Variants in TBC1D1 observed in about 807,000 individuals in gnomAD.
TBC1D1 encodes TBC1 domain family member 1, also known as TBC1 (tre-2/USP6, BUB2, cdc16) domain family, member 1.
Under a neutral mutation model 125.6 loss-of-function variants are expected in TBC1D1, and 89 were observed. That is an observed-to-expected ratio of 0.71 (90% CI 0.60 to 0.85). The LOEUF (loss-of-function observed/expected upper bound fraction) is 0.85. Among genes scored for constraint, TBC1D1 ranks in the 40% least tolerant of loss-of-function variants. TBC1D1 has a pLI of 0.00. For missense variants in TBC1D1, 1,377 were observed against 1,469.2 expected, an observed-to-expected ratio of 0.94 and a Z score of 1.03; for synonymous variants, 565 against 564.1, an observed-to-expected ratio of 1.00 and a Z score of -0.02.
At chr4:38,112,789 C>G (rs997290044) in intron 15 of TBC1D1, among the ~76,000 whole-genome samples, 1 of 152,176 alleles carries the variant, frequency 6.6e-6, no homozygotes, top group Non-Finnish European at 1.5e-5. Context: ...TGGAGCAGAA[C>G]TGGAGGCCAG....
chr4:37,913,546 C>T (rs6851876), intron 2 of TBC1D1, among the ~76,000 whole-genome samples: 28,297 of 151,710 alleles, frequency 0.19, 2,720 homozygotes, highest in East Asian at 0.24. Context: ...TTGCGGTGAG[C>T]TGAGATCACA....
chr4:37,937,934 A>T (rs536961203), intron 2 of TBC1D1, among the ~76,000 whole-genome samples: 15 of 152,278 alleles, frequency 9.9e-5, no homozygotes, highest in Admixed American at 2.0e-4. Flanking sequence ...TTGATCAGGG[A>T]TGTAATGACA....
intron 10 of TBC1D1, among the ~76,000 whole-genome samples, chr4:38,049,059 C>G (rs1053543304): frequency 5.9e-5 from 9 of 152,140 alleles, no homozygotes; most frequent in Admixed American, 5.9e-4. Context: ...AATTGAGGTG[C>G]AGAAAGAAAT....
At chr4:37,981,080 C>G (rs1218764694) in intron 2 of TBC1D1, among the ~76,000 whole-genome samples, 1 of 151,974 alleles carries the variant, frequency 6.6e-6, no homozygotes, top group Non-Finnish European at 1.5e-5. Context: ...GTAGCTGGGA[C>G]TACAGGCATA....
intron 17 of TBC1D1, among the ~76,000 whole-genome samples, chr4:38,123,177 A>C (rs965057697): frequency 6.6e-6 from 1 of 152,336 alleles, no homozygotes; most frequent in Non-Finnish European, 1.5e-5. Context: ...CAAGCTATAG[A>C]AAATCACTGG....
At chr4:38,009,122 T>G (rs1740943656) in intron 2 of TBC1D1, among the ~76,000 whole-genome samples, 1 of 152,214 alleles carries the variant, frequency 6.6e-6, no homozygotes, top group African/African-American at 2.4e-5. Flanking sequence ...TTAATTTAGT[T>G]TTTACCCCCT....
At chr4:37,978,099 G>A (rs1393699865) in intron 2 of TBC1D1, among the ~76,000 whole-genome samples, 3 of 152,200 alleles carry the variant, frequency 2.0e-5, no homozygotes, top group Non-Finnish European at 4.4e-5. Context: ...TTCCCACAAA[G>A]TTTTATTTTC....
chr4:38,027,421 G>A (rs192785889), intron 6 of TBC1D1, among the ~76,000 whole-genome samples: 123 of 152,288 alleles, frequency 8.1e-4, no homozygotes, highest in African/African-American at 2.9e-3. Context: ...TCAAGAGTTC[G>A]AGACCAGCCT....
At position 37,895,201 on chromosome 4, in the gene TBC1D1, G is replaced by A. The variant is rs16994040; in HGVS notation, c.-94+3853G>A. On this transcript the variant is annotated intron_variant, in intron 1 of 19. Transcript: ENST00000261439. ...TGATAATATTCCTTTATTGTCCAAC[G>A]TTTTGTAAGTTAAATCAGTTAATAA... 4.4e-3 allele frequency among the ~76,000 whole-genome samples: 672 copies of A among 152,222 alleles called. 5 individuals are homozygous for A. Among genetic ancestry groups the A allele is most frequent in the African/African-American group, 0.015 (638 of 41,536 alleles).
intron 2 of TBC1D1, among the ~76,000 whole-genome samples, chr4:38,013,425 A>C (rs1229554118): frequency 1.3e-5 from 2 of 152,266 alleles, no homozygotes; most frequent in Non-Finnish European, 2.9e-5. Flanking sequence ...TTAAAAAGAC[A>C]TAGGGCCTGT....
intron 7 of TBC1D1, among the ~76,000 whole-genome samples, chr4:38,029,512 C>T (rs1025709597): frequency 6.6e-6 from 1 of 152,148 alleles, no homozygotes; most frequent in Non-Finnish European, 1.5e-5. Flanking sequence ...AGATTTCAGC[C>T]GCCTGCCACC....
At chr4:37,941,781 AC>A (rs1560507538) in intron 2 of TBC1D1, among the ~76,000 whole-genome samples, 1 of 152,174 alleles carries the variant, frequency 6.6e-6, no homozygotes, top group Non-Finnish European at 1.5e-5. Flanking sequence ...TTCGTTATGT[AC>A]CCAGTAGTCA....
At chr4:37,953,659 T>C (rs149993198) in intron 2 of TBC1D1, among the ~76,000 whole-genome samples, 22 of 152,262 alleles carry the variant, frequency 1.4e-4, no homozygotes, top group African/African-American at 4.6e-4. Flanking sequence ...TTGACTAAGG[T>C]TGATGTGTAG....
At chr4:38,136,905 CAGG>C in intron 19 of TBC1D1, among the ~76,000 whole-genome samples, 1 of 152,182 alleles carries the variant, frequency 6.6e-6, no homozygotes, top group Admixed American at 6.5e-5. Context: ...GCAGCCATAG[CAGG>C]AGAAGAAAAT....
intron 2 of TBC1D1, among the ~76,000 whole-genome samples, chr4:38,009,455 T>C (rs904810182): frequency 4.6e-5 from 7 of 152,252 alleles, no homozygotes; most frequent in Non-Finnish European, 1.0e-4. Flanking sequence ...AAAATGACTT[T>C]TTATTCTAAA....
chr4:38,049,694 T>C lies in TBC1D1; in HGVS notation c.1706T>C (p.Leu569Pro), dbSNP rs200329815. The change falls in exon 11 of 20, where the codon CTG (leucine) becomes CCG (proline). Residue 569 changes from leucine to proline, a missense_variant. Physicochemically the swap from Leu to Pro is moderately conservative, Grantham distance 98. Around this residue, in one of 3 missense-constraint regions of TBC1D1, gnomAD observed 822 missense variants for 824.6 expected, o/e 1.00. Coordinates refer to ENST00000261439, the MANE Select transcript of TBC1D1 (RefSeq NM_015173.4). Reference sequence around the variant, plus strand: ...AAGCTCCTCGGCTCCTCGGAGGACCTGTCCAGTGACTCGGAGAGTCATCTC... The same window carrying C: ...AAGCTCCTCGGCTCCTCGGAGGACCCGTCCAGTGACTCGGAGAGTCATCTC... 17 of 1,614,180 alleles carry C rather than the reference T, an allele frequency of 1.1e-5. No individual in the cohort carries two copies. In the East Asian group the frequency reaches 3.8e-4, roughly 36 times the overall value.
At chr4:37,952,088 A>AC (rs1261212568) in intron 2 of TBC1D1, 1 of 717,230 alleles carries the variant, frequency 1.4e-6, no homozygotes, top group Non-Finnish European at 2.6e-6. Context: ...GCAACAGTGA[A>AC]CCACCAGTGT....
chr4:38,002,729 G>T (rs544716055), intron 2 of TBC1D1, among the ~76,000 whole-genome samples: 17 of 152,164 alleles, frequency 1.1e-4, no homozygotes, highest in Non-Finnish European at 2.1e-4. Flanking sequence ...TTAGAGGGCT[G>T]CCTTGACGTG....
Position 38,014,723 on chromosome 4 carries a change from G to GCCC in TBC1D1, c.635_637dup (p.Pro212dup). The stretch of plus-strand genomic sequence containing the variant: ...GTCAGCGGCAGCCGGGGGTCCGAGA[G>GCCC]CCCCCGCCCCAACCCGCCCCATGCC... On this transcript the variant is annotated inframe_insertion, in exon 3 of 20. Coordinates refer to ENST00000261439, the MANE Select transcript of TBC1D1 (RefSeq NM_015173.4). The surrounding 1 kb of genome is among the most constrained non-coding windows in gnomAD (Gnocchi z 5.1). 6.2e-7 allele frequency: 1 copy of GCCC among 1,600,234 alleles called. No homozygotes were observed. Among genetic ancestry groups the GCCC allele is most frequent in the South Asian group, 1.1e-5 (1 of 90,830 alleles).
Sources: gnomAD v4.1 joint callset for allele counts (sites outside exome capture counted in the v4.1 genomes callset) on GRCh38, gnomAD v4.1.1 for gene constraint, gnomAD v4.1.1 regional missense constraint, Gnocchi (gnomAD v3.1) non-coding constraint, MANE v1.5 for transcripts, NCBI Gene and HGNC (gene_info 2026-07-23, HGNC 2026-07-21) for gene names.